ESRRG: variants seen among roughly 807,000 people sequenced by gnomAD.
ESRRG encodes the protein estrogen related receptor gamma.
Under a neutral mutation model 44.0 loss-of-function variants are expected in ESRRG, and 13 were observed. The ratio of observed to expected loss-of-function variants is 0.30; its 90% confidence interval spans 0.19 to 0.47. The LOEUF (loss-of-function observed/expected upper bound fraction) is 0.47. Among genes scored for constraint, ESRRG ranks in the 20% least tolerant of loss-of-function variants. The pLI, the probability that ESRRG is intolerant of heterozygous loss-of-function variation, is 1.00. For missense variants in ESRRG, 395 were observed against 580.6 expected, an observed-to-expected ratio of 0.68 and a Z score of 3.29; for synonymous variants, 215 against 214.6, an observed-to-expected ratio of 1.00 and a Z score of -0.02.
intron 5 of ESRRG, among the ~76,000 whole-genome samples, chr1:216,550,876 TAG>T (rs2056106845): frequency 5.9e-5 from 9 of 152,158 alleles, no homozygotes; most frequent in Admixed American, 5.9e-4. Context: ...ACCATGCATA[TAG>T]AGTTTAAGAA....
intron 3 of ESRRG, among the ~76,000 whole-genome samples, chr1:216,589,903 C>CAAAAAAA (rs58458686): frequency 0.046 from 1,491 of 32,158 alleles, 477 homozygotes; most frequent in African/African-American, 0.15. Context: ...AACTCTGTCT[C>CAAAAAAA]AAAAAAAAAA....
intron 1 of ESRRG, among the ~76,000 whole-genome samples, chr1:217,077,211 G>C (rs2091383118): frequency 6.6e-6 from 1 of 152,176 alleles, no homozygotes; most frequent in Non-Finnish European, 1.5e-5. Flanking sequence ...ATGCAGCTCT[G>C]CTGTGGGTTT....
chr1:216,870,401 A>ATGC (rs2096243497), intron 2 of ESRRG, among the ~76,000 whole-genome samples: 1 of 151,838 alleles, frequency 6.6e-6, no homozygotes, highest in African/African-American at 2.4e-5. Context: ...TTTATTGAGA[A>ATGC]TGCTTGCATT....
At chr1:217,040,678 T>C (rs1262977128) in intron 1 of ESRRG, among the ~76,000 whole-genome samples, 3 of 152,318 alleles carry the variant, frequency 2.0e-5, no homozygotes, top group African/African-American at 7.2e-5. Flanking sequence ...AAAAATCCTG[T>C]GAGCTTATTT....
intron 1 of ESRRG, among the ~76,000 whole-genome samples, chr1:217,008,334 T>C (rs2078053338): frequency 6.6e-6 from 1 of 152,226 alleles, no homozygotes; most frequent in African/African-American, 2.4e-5. Context: ...CAGAGCTTTT[T>C]CCATACATTA....
At chr1:216,562,029 G>A (rs17611906) in intron 5 of ESRRG, among the ~76,000 whole-genome samples, 21,578 of 152,176 alleles carry the variant, frequency 0.14, 2,053 homozygotes, top group Non-Finnish European at 0.21. Context: ...CCCTTTGTAA[G>A]CTGACATTTC....
intron 2 of ESRRG, among the ~76,000 whole-genome samples, chr1:216,915,329 C>T (rs1578101796): frequency 6.6e-6 from 1 of 152,298 alleles, no homozygotes; most frequent in Non-Finnish European, 1.5e-5. Flanking sequence ...CCCTCACCCT[C>T]GCATCTGTTG....
chr1:216,527,483 A>G (rs537127778), intron 5 of ESRRG, among the ~76,000 whole-genome samples: 43 of 152,068 alleles, frequency 2.8e-4, no homozygotes, highest in African/African-American at 1.0e-3. Flanking sequence ...AGAACACAGA[A>G]TTTCTTTCAT....
Position 217,054,723 on chromosome 1 carries a change from G to A in ESRRG, c.-106+34784C>T, listed in dbSNP as rs139004141. Among the ~76,000 whole-genome samples, 1,207 of 151,858 alleles carry A rather than the reference G, an allele frequency of 7.9e-3. 16 individuals are homozygous for A. Among genetic ancestry groups the A allele is most frequent in the African/African-American group, 0.028 (1,139 of 41,398 alleles). On this transcript the variant is annotated intron_variant, in intron 1 of 7. Coordinates refer to the ESRRG transcript ENST00000359162. Reference sequence around the variant, plus strand: ...CAGGTGCCTGGCAATAAAATACTACGCCTTAGCAAATGAAGAGACATAGGA... The same window carrying A: ...CAGGTGCCTGGCAATAAAATACTACACCTTAGCAAATGAAGAGACATAGGA...
intron 1 of ESRRG, among the ~76,000 whole-genome samples, chr1:217,126,084 G>A (rs904688818): frequency 1.3e-5 from 2 of 152,108 alleles, no homozygotes; most frequent in African/African-American, 2.4e-5. Flanking sequence ...GCCTGAACTT[G>A]TTATCAGAGG....
At chr1:216,562,393 G>GT (rs1046432064) in intron 5 of ESRRG, among the ~76,000 whole-genome samples, 2 of 152,090 alleles carry the variant, frequency 1.3e-5, no homozygotes, top group Non-Finnish European at 2.9e-5. Flanking sequence ...TTGTGCAAGT[G>GT]TTTTTTACCT....
intron 2 of ESRRG, among the ~76,000 whole-genome samples, chr1:216,935,595 C>T (rs2064001925): frequency 6.6e-6 from 1 of 151,436 alleles, no homozygotes; most frequent in South Asian, 2.1e-4. Context: ...TCTGAAATTG[C>T]AAATTGAAAT....
chr1:217,039,036 C>T (rs1321329184), intron 1 of ESRRG, among the ~76,000 whole-genome samples: 2 of 151,986 alleles, frequency 1.3e-5, no homozygotes. Flanking sequence ...TTGCCAGTCT[C>T]TTTGCTAAAA....
intron 2 of ESRRG, among the ~76,000 whole-genome samples, chr1:216,676,081 T>C (rs1044033402): frequency 2.0e-5 from 3 of 152,164 alleles, no homozygotes; most frequent in Non-Finnish European, 4.4e-5. Flanking sequence ...AGCAGAACCA[T>C]TGGTGTGCTG....
chr1:216,922,939 T>A (rs1029010468), intron 2 of ESRRG, among the ~76,000 whole-genome samples: 4 of 152,088 alleles, frequency 2.6e-5, no homozygotes, highest in South Asian at 2.1e-4. Flanking sequence ...GTATATTTGT[T>A]GTCACTGTTT....
chr1:216,890,583 A>G (rs1420086837), intron 2 of ESRRG, among the ~76,000 whole-genome samples: 2 of 152,214 alleles, frequency 1.3e-5, no homozygotes, highest in Non-Finnish European at 1.5e-5. Context: ...GGAAATAACA[A>G]AATGAGGGTT....
At chr1:216,886,809 G>A (rs1259488189) in intron 2 of ESRRG, among the ~76,000 whole-genome samples, 1 of 152,050 alleles carries the variant, frequency 6.6e-6, no homozygotes, top group East Asian at 1.9e-4. Flanking sequence ...CTGCAGCCTT[G>A]GCCTCCTGGG....
intron 1 of ESRRG, among the ~76,000 whole-genome samples, chr1:216,957,700 C>T (rs1043376164): frequency 6.6e-6 from 1 of 152,178 alleles, no homozygotes; most frequent in Non-Finnish European, 1.5e-5. Flanking sequence ...CGACTGGTTT[C>T]CCTGTCTCCA....
intron 1 of ESRRG, among the ~76,000 whole-genome samples, chr1:217,058,452 A>AT (rs1236442178): frequency 6.6e-6 from 1 of 152,130 alleles, no homozygotes; most frequent in Non-Finnish European, 1.5e-5. Context: ...TAGAGAGAAC[A>AT]TCAGCATAAG....
Sources: gnomAD v4.1 joint callset for allele counts (sites outside exome capture counted in the v4.1 genomes callset) on GRCh38, gnomAD v4.1.1 for gene constraint, MANE v1.5 for transcripts, NCBI Gene and HGNC (gene_info 2026-07-23, HGNC 2026-07-21) for gene names.